Variants in FSIP2 observed in about 807,000 individuals in gnomAD.
FSIP2 encodes fibrous sheath interacting protein 2, also known as fibrous sheath-interacting protein 2.
FSIP2 carries 367 observed loss-of-function variants against 510.5 expected under a neutral mutation model. The observed-to-expected ratio is 0.72, with a 90% CI of 0.66 to 0.78. The LOEUF (loss-of-function observed/expected upper bound fraction) is 0.78, where lower values mean the gene tolerates loss of function less well. Ranked by LOEUF, FSIP2 falls within the 30% of genes least tolerant of loss-of-function variation. The probability of loss-of-function intolerance (pLI) is 0.00; values close to 1 mark genes in which losing one functional copy is unlikely to be tolerated. For synonymous variants in FSIP2, 2,601 were observed against 2,732.2 expected (o/e 0.95, Z 1.50); for missense variants, 7,594 against 7,901.7 (o/e 0.96, Z 1.48).
Position 185,802,999 on chromosome 2 carries a change from A to G in FSIP2, c.13693A>G (p.Ile4565Val), listed in dbSNP as rs1294893724. 4 of 1,531,058 alleles carry G rather than the reference A, an allele frequency of 2.6e-6. No individual in the cohort carries two copies. The Admixed American group carries it at 6.0e-5, about 23-fold the overall frequency. 94.8% of individuals were successfully genotyped at this position (1,531,058 alleles called of 1,614,324 possible). ...SGSQESAVQN[I>V]TSSNDILIDR... ...TTCTCAAGAATCAGCTGTGCAAAATATCACAAGCAGTAATGACATTCTTAT... is the reference window on the plus strand; with the variant it reads ...TTCTCAAGAATCAGCTGTGCAAAATGTCACAAGCAGTAATGACATTCTTAT... The change falls in exon 17 of 23, where the codon ATC (isoleucine) becomes GTC (valine). Residue 4565 changes from isoleucine (I) to valine (V), a missense_variant. Transcript: ENST00000424728.
In FSIP2 at chr2:185,805,493, C is replaced by T. The variant is rs1464231000; in HGVS notation, c.16187C>T (p.Pro5396Leu). The T allele has an allele frequency of 1.9e-6, 3 of 1,611,474 alleles. No individual in the cohort carries two copies. Among genetic ancestry groups the T allele is most frequent in the Admixed American group, 3.3e-5 (2 of 59,754 alleles). ...GCAATATCTGCATTCAGGATTCAAC[C>T]ACTTTTTTCAGGAGACTGGTCTTCC... ...QKAISAFRIQPLFSGDWSSTF... is the reference protein window; with the variant it reads ...QKAISAFRIQLLFSGDWSSTF... The change falls in exon 17 of 23, where the codon CCA becomes CTA. Residue 5396 changes from proline (P) to leucine (L), a missense_variant. Physicochemically the swap from Pro to Leu is moderately conservative, Grantham distance 98. Transcript: ENST00000424728.
Position 185,832,537 on chromosome 2 carries a change from G to A in FSIP2, c.20588-553G>A, listed in dbSNP as rs1364998483. Among the ~76,000 whole-genome samples, 4 of 151,660 alleles carry A rather than the reference G, an allele frequency of 2.6e-5. No homozygotes were observed. In the East Asian group the frequency reaches 5.8e-4, roughly 22 times the overall value. ...TAGTGGCCCTATCGCAACTTATTAAGTATCAGAAAAGTATATAAATATTTC... is the reference window on the plus strand; with the variant it reads ...TAGTGGCCCTATCGCAACTTATTAAATATCAGAAAAGTATATAAATATTTC... On this transcript the variant is annotated intron_variant, in intron 22 of 22. Transcript: ENST00000424728.
In FSIP2 at chr2:185,793,977, G is replaced by C. The variant is rs534026640; in HGVS notation, c.6841G>C (p.Glu2281Gln). Reference protein sequence around the residue: ...SLITLAFQSKEKSFVIPELEN... With the variant: ...SLITLAFQSKQKSFVIPELEN... Reference sequence around the variant, plus strand: ...AATTACCCTTGCTTTCCAAAGTAAAGAAAAGTCATTTGTTATCCCAGAATT... The same window carrying C: ...AATTACCCTTGCTTTCCAAAGTAAACAAAAGTCATTTGTTATCCCAGAATT... The change falls in exon 16 of 23, where the codon GAA becomes CAA. Residue 2281 changes from glutamate (E) to glutamine (Q), a missense_variant. Physicochemically the swap from Glu to Gln is conservative, Grantham distance 29. Transcript: ENST00000424728. The C allele has an allele frequency of 5.9e-6, 9 of 1,531,664 alleles. No homozygotes were observed. The Middle Eastern group carries it at 5.0e-4, about 86-fold the overall frequency. 94.9% of individuals were successfully genotyped at this position (1,531,664 alleles called of 1,614,324 possible). A position where few individuals can be genotyped will look rare whatever the true frequency, so the allele number is the denominator to read the frequency against.
At chr2:185,778,815 C>T (rs531909833) in intron 13 of FSIP2, among the ~76,000 whole-genome samples, 11 of 152,076 alleles carry the variant, frequency 7.2e-5, no homozygotes, top group Admixed American at 2.6e-4. Flanking sequence ...CACATATATA[C>T]TTATTTTTTA....
chr2:185,795,341 A>G lies in FSIP2; in HGVS notation c.8205A>G (p.Leu2735=), dbSNP rs1693241448. The G allele has an allele frequency of 1.3e-6, 2 of 1,534,912 alleles. No homozygotes were observed. Among genetic ancestry groups the G allele is most frequent in the Non-Finnish European group, 1.7e-6 (2 of 1,146,148 alleles). Residue 2735 remains leucine (L), a synonymous_variant, in exon 16 of 23, where the codon CTA becomes CTG. Coordinates refer to ENST00000424728, the MANE Select transcript of FSIP2 (RefSeq NM_173651.4). ...ACACAAAATTGCCCACTTCAGAACT[A>G]AAAATATATGCCAAGGATATAATAA... ...LLDTKLPTSE[L]KIYAKDIIIN...
chr2:185,762,061 T>G, intron 11 of FSIP2, 44 bp downstream of exon 11: 1 of 878,700 alleles, frequency 1.1e-6, no homozygotes, highest in South Asian at 1.6e-5. Flanking sequence ...TTATTAGGCA[T>G]GCAATTATAG....
At chr2:185,758,126 A>T (rs977559984) in intron 9 of FSIP2, among the ~76,000 whole-genome samples, 8 of 151,360 alleles carry the variant, frequency 5.3e-5, no homozygotes, top group Non-Finnish European at 8.9e-5. Context: ...TTTACTCAGC[A>T]TAATACCCTG....
chr2:185,763,485 T>C (rs1433347591), intron 12 of FSIP2, among the ~76,000 whole-genome samples, 196 bp downstream of exon 12: 1 of 151,624 alleles, frequency 6.6e-6, no homozygotes, highest in Non-Finnish European at 1.5e-5. Context: ...TGTTAGTTCA[T>C]GGTACGTATC....
rs1401399251 is a variant in FSIP2, at chr2:185,808,840, T to G, written c.19534T>G (p.Leu6512Val). 1.9e-6 allele frequency: 3 copies of G among 1,612,524 alleles called. No homozygotes were observed. The highest frequency in any genetic ancestry group is 2.5e-6 in the Non-Finnish European group (3 of 1,179,344). ...ELEQEKLDQN[L>V]SEEESPIKIV... Reference sequence around the variant, plus strand: ...AGAGCAAGAAAAGTTAGATCAAAATTTATCTGAAGAGGAATCTCCAATTAA... The same window carrying G: ...AGAGCAAGAAAAGTTAGATCAAAATGTATCTGAAGAGGAATCTCCAATTAA... The change falls in exon 17 of 23, where the codon TTA (leucine) becomes GTA (valine). Residue 6512 changes from leucine to valine, a missense_variant. Leu to Val is a conservative substitution (Grantham distance 32, BLOSUM62 1). Coordinates refer to ENST00000424728, the MANE Select transcript of FSIP2 (RefSeq NM_173651.4).
intron 14 of FSIP2, among the ~76,000 whole-genome samples, chr2:185,784,914 G>A (rs1226114160): frequency 1.3e-5 from 2 of 152,018 alleles, no homozygotes; most frequent in African/African-American, 4.8e-5. Context: ...TTCTGCTGAT[G>A]CCATGCTTTA....
At chr2:185,788,621 T>C in intron 15 of FSIP2, 22 bp from the exon 16 acceptor site, 2 of 1,443,072 alleles carry the variant, frequency 1.4e-6, no homozygotes, top group South Asian at 1.5e-5. Context: ...TTTATTTTCA[T>C]CTCTGCTTAC....
At position 185,791,670 on chromosome 2, in the gene FSIP2, A is replaced by G. The variant is rs776802805; in HGVS notation, c.4534A>G (p.Ile1512Val). The change falls in exon 16 of 23, where the codon ATC (isoleucine) becomes GTC (valine). Residue 1512 changes from isoleucine to valine, a missense_variant. By Grantham distance (29) the Ile-to-Val change is conservative (BLOSUM62 3). Coordinates refer to ENST00000424728, the MANE Select transcript of FSIP2 (RefSeq NM_173651.4). ...TSFASCGLKA[I>V]SESLDIDNPS... ...TTTTGCAAGTTGTGGATTAAAAGCTATCTCAGAGTCTCTTGACATTGACAA... is the reference window on the plus strand; with the variant it reads ...TTTTGCAAGTTGTGGATTAAAAGCTGTCTCAGAGTCTCTTGACATTGACAA... 8 of 1,534,202 alleles carry G rather than the reference A, an allele frequency of 5.2e-6. No individual in the cohort carries two copies. The East Asian group carries it at 1.7e-4, about 33-fold the overall frequency.
chr2:185,738,584 C>A (rs1691834746), upstream of FSIP2: 1 of 1,533,648 alleles, frequency 6.5e-7, no homozygotes, highest in African/African-American at 1.4e-5. Flanking sequence ...AAAGCTTATA[C>A]GTTTTCGTTA....
chr2:185,767,462 C>T (rs1692512973), intron 13 of FSIP2, among the ~76,000 whole-genome samples: 1 of 152,136 alleles, frequency 6.6e-6, no homozygotes, highest in Non-Finnish European at 1.5e-5. Flanking sequence ...CTCCCCATAA[C>T]TCCTGGTAAC....
chr2:185,808,610 C>T lies in FSIP2; in HGVS notation c.19304C>T (p.Thr6435Ile). Residue 6435 changes from threonine to isoleucine, a missense_variant, in exon 17 of 23, where the codon ACC (threonine) becomes ATC (isoleucine). Physicochemically the swap from Thr to Ile is moderately conservative, Grantham distance 89. Coordinates refer to ENST00000424728, the MANE Select transcript of FSIP2 (RefSeq NM_173651.4). ...AGTAACATACTGCAACAATCAGGAA[C>T]CAACAAAGAATTTTATTATGATATA... ...VYSNILQQSGTNKEFYYDIKD... is the reference protein window; with the variant it reads ...VYSNILQQSGINKEFYYDIKD... 1 of 1,602,880 alleles carries T rather than the reference C, an allele frequency of 6.2e-7. No homozygotes were observed. The highest frequency in any genetic ancestry group is 8.5e-7 in the Non-Finnish European group (1 of 1,174,960).
chr2:185,764,858 A>G (rs770129389), intron 13 of FSIP2: 26 of 247,300 alleles, frequency 1.1e-4, no homozygotes, highest in Non-Finnish European at 1.8e-4. Context: ...TTAGAAAGAG[A>G]CTGCGTTGAG....
intron 19 of FSIP2, among the ~76,000 whole-genome samples, chr2:185,816,327 A>G (rs1693825681): frequency 6.6e-6 from 1 of 151,670 alleles, no homozygotes; most frequent in Non-Finnish European, 1.5e-5. Flanking sequence ...TAACATACAT[A>G]GCTAGTAATG....
At position 185,792,366 on chromosome 2, in the gene FSIP2, C is replaced by T; in HGVS notation, c.5230C>T (p.Gln1744Ter). 1 of 1,531,136 alleles carries T rather than the reference C, an allele frequency of 6.5e-7. No individual in the cohort carries two copies. The highest frequency in any genetic ancestry group is 8.7e-7 in the Non-Finnish European group (1 of 1,144,786). The allele number at this position is 1,531,136 out of a possible 1,614,324, so 94.8% of individuals were successfully genotyped here. The change falls in exon 16 of 23, where the codon CAA (glutamine) becomes TAA (stop). Residue 1744 changes from glutamine to a stop codon, truncating the protein, a stop_gained. Coordinates refer to ENST00000424728, the MANE Select transcript of FSIP2 (RefSeq NM_173651.4). LOFTEE classifies it high-confidence loss of function. ...AKKIIDERSPQREEVKTRSLK... is the reference protein window; with the variant it reads ...AKKIIDERSP ...AAAAATTATTGATGAGAGATCCCCA[C>T]AAAGAGAAGAAGTGAAAACACGTTC...
chr2:185,771,171 G>A (rs918270489), intron 13 of FSIP2, among the ~76,000 whole-genome samples: 32 of 152,210 alleles, frequency 2.1e-4, no homozygotes, highest in African/African-American at 7.5e-4. Context: ...CCATGCTGAG[G>A]TGGCAAGCTG....
Sources: gnomAD v4.1 joint callset for allele counts (sites outside exome capture counted in the v4.1 genomes callset) on GRCh38, gnomAD v4.1.1 for gene constraint, MANE v1.5 for transcripts, NCBI Gene and HGNC (gene_info 2026-07-23, HGNC 2026-07-21) for gene names.